The following KIAA1217 variants were observed in gnomAD, a reference collection of about 807,000 sequenced individuals.
KIAA1217 encodes the protein sickle tail protein homolog.
Under a neutral mutation model 163.9 loss-of-function variants are expected in KIAA1217, and 88 were observed. The observed-to-expected ratio is 0.54, with a 90% confidence interval of 0.45 to 0.64. The LOEUF is 0.64. Ranked by LOEUF, KIAA1217 falls within the 30% of genes least tolerant of loss-of-function variation. The pLI is 0.00. For missense variants in KIAA1217, 2,372 were observed against 2,475.0 expected (o/e 0.96, Z 0.88); for synonymous variants, 903 against 923.1 (o/e 0.98, Z 0.39).
chr10:24,331,989 C>T (rs1309345899), intron 2 of KIAA1217, among the ~76,000 whole-genome samples: 12 of 152,120 alleles, frequency 7.9e-5, no homozygotes, highest in African/African-American at 1.2e-4. Flanking sequence ...TTAGTAGAGA[C>T]GGGGTTTCAC....
At chr10:23,721,654 A>T (rs550913135) in intron 1 of KIAA1217, among the ~76,000 whole-genome samples, 1 of 152,258 alleles carries the variant, frequency 6.6e-6, no homozygotes, top group Non-Finnish European at 1.5e-5. Context: ...TTGAAGATAA[A>T]TAAATTGTTA....
At chr10:24,242,498 G>A (rs1036148317) in intron 2 of KIAA1217, among the ~76,000 whole-genome samples, 1 of 152,048 alleles carries the variant, frequency 6.6e-6, no homozygotes, top group African/African-American at 2.4e-5. Flanking sequence ...GTCCACCATT[G>A]ACGGACACCT....
intron 1 of KIAA1217, among the ~76,000 whole-genome samples, chr10:23,743,651 A>T (rs1839243729): frequency 6.6e-6 from 1 of 152,200 alleles, no homozygotes; most frequent in Admixed American, 6.5e-5. Flanking sequence ...CACTTCTCTG[A>T]CACTGCAAGA....
rs2065339769 is a variant in KIAA1217, at chr10:24,166,234, T to C, written c.-170-53392T>C. 2.0e-5 allele frequency among the ~76,000 whole-genome samples: 3 copies of C among 152,024 alleles called. No homozygotes were observed. In the South Asian group the frequency reaches 6.2e-4, roughly 32 times the overall value. On this transcript the variant is annotated intron_variant, in intron 2 of 18. Transcript: ENST00000376462. ...AAATCACCTTAATAAAGAAATCACC[T>C]GTGAGATTGTTTCTGAGTGGGCGTA...
chr10:24,078,820 G>T (rs1038672940), intron 2 of KIAA1217, among the ~76,000 whole-genome samples: 6 of 152,100 alleles, frequency 3.9e-5, no homozygotes, highest in African/African-American at 4.8e-5. Context: ...GCCTTCTGTG[G>T]CCCGTCTGTT....
chr10:23,752,433 G>A (rs912230937), intron 1 of KIAA1217, among the ~76,000 whole-genome samples: 1 of 152,136 alleles, frequency 6.6e-6, no homozygotes, highest in African/African-American at 2.4e-5. Flanking sequence ...TTCAAATTAT[G>A]TGTGGGGGGA....
intron 1 of KIAA1217, among the ~76,000 whole-genome samples, chr10:23,701,740 T>C (rs1401918801): frequency 6.6e-6 from 1 of 152,240 alleles, no homozygotes; most frequent in Admixed American, 6.5e-5. Context: ...AATGCCCTGT[T>C]GTCTGGGTTG....
At chr10:23,737,299 A>T (rs1164410712) in intron 1 of KIAA1217, among the ~76,000 whole-genome samples, 2 of 152,142 alleles carry the variant, frequency 1.3e-5, no homozygotes, top group Non-Finnish European at 2.9e-5. Flanking sequence ...CCCAGGTTCA[A>T]GCGATTCTTC....
At position 24,463,662 on chromosome 10, in the gene KIAA1217, A is replaced by G. The variant is rs1259000558; in HGVS notation, c.847-9566A>G. ...AGCAAATGTAATTTTTTTAAAGCCA[A>G]TGAAGAAATGAATATGAAAGGGAAA... is the stretch of plus-strand genomic sequence containing the variant. On this transcript the variant is annotated intron_variant, in intron 5 of 20. Transcript: ENST00000376454. Among the ~76,000 whole-genome samples the G allele has an allele frequency of 2.6e-5, 4 of 152,372 alleles. No homozygotes were observed. The South Asian group carries it at 6.2e-4, about 24-fold the overall frequency.
At chr10:24,528,784 C>A (rs1043936365) in intron 14 of KIAA1217, among the ~76,000 whole-genome samples, 5 of 151,592 alleles carry the variant, frequency 3.3e-5, no homozygotes, top group African/African-American at 1.2e-4. Context: ...ATTAGGCCTG[C>A]ATTTAAGACA....
chr10:24,103,460 G>A (rs1372082075), intron 2 of KIAA1217, among the ~76,000 whole-genome samples: 2 of 152,126 alleles, frequency 1.3e-5, no homozygotes, highest in African/African-American at 4.8e-5. Flanking sequence ...GAATGAGAAG[G>A]CAAGCCAATA....
At chr10:23,952,827 A>G (rs757849404) in intron 1 of KIAA1217, among the ~76,000 whole-genome samples, 2 of 152,226 alleles carry the variant, frequency 1.3e-5, no homozygotes, top group African/African-American at 2.4e-5. Flanking sequence ...ATACAAGTGG[A>G]TATTTTCATT....
At chr10:24,218,589 C>T (rs1036610867) in intron 1 of KIAA1217, among the ~76,000 whole-genome samples, 18 of 151,960 alleles carry the variant, frequency 1.2e-4, no homozygotes, top group Non-Finnish European at 1.6e-4. Context: ...CCCAGGTTCA[C>T]GCCATTCTCC....
chr10:24,212,770 A>G (rs991235347), intron 1 of KIAA1217, among the ~76,000 whole-genome samples: 5 of 152,152 alleles, frequency 3.3e-5, no homozygotes, highest in African/African-American at 1.2e-4. Flanking sequence ...TTACCCAATG[A>G]CAATGTGATA....
intron 2 of KIAA1217, among the ~76,000 whole-genome samples, chr10:24,257,983 C>T (rs2075336658): frequency 6.6e-6 from 1 of 151,948 alleles, no homozygotes. Context: ...AGGGGTTCCT[C>T]CCAGGTACAT....
At chr10:23,855,447 A>AT in intron 1 of KIAA1217, among the ~76,000 whole-genome samples, 1 of 151,762 alleles carries the variant, frequency 6.6e-6, no homozygotes, top group Non-Finnish European at 1.5e-5. Context: ...TGCCCTTAAC[A>AT]TTTTTTCCTT....
intron 2 of KIAA1217, among the ~76,000 whole-genome samples, chr10:24,029,640 C>G (rs915103152): frequency 3.3e-5 from 5 of 152,188 alleles, no homozygotes; most frequent in African/African-American, 1.2e-4. Flanking sequence ...TACTACACCT[C>G]TCAAGAAAGA....
Position 23,961,116 on chromosome 10 carries a change from G to C in KIAA1217, c.-320-46109G>C, listed in dbSNP as rs564841223. On this transcript the variant is annotated intron_variant, in intron 1 of 18. Transcript: ENST00000376462. ...TTTTCATAGGTCACTAAGGACTTCT[G>C]TAGAGCCCCATAAAAATGCAATTTC... Among the ~76,000 whole-genome samples the C allele has an allele frequency of 2.0e-5, 3 of 152,298 alleles. No individual in the cohort carries two copies. In the East Asian group the frequency reaches 5.8e-4, roughly 29 times the overall value.
At chr10:23,916,970 A>AAAAC (rs1260209115) in intron 1 of KIAA1217, among the ~76,000 whole-genome samples, 1 of 126,788 alleles carries the variant, frequency 7.9e-6, no homozygotes, top group African/African-American at 3.9e-5. Context: ...GATTCTCTCA[A>AAAAC]AAAAAAAAAA....
Sources: allele counts gnomAD v4.1 joint callset (sites outside exome capture counted in the v4.1 genomes callset), GRCh38; gene constraint gnomAD v4.1.1; transcripts MANE v1.5; gene names NCBI Gene and HGNC (gene_info 2026-07-23, HGNC 2026-07-21).